Variants in NCOA3 observed in about 807,000 individuals in gnomAD.
The protein encoded by NCOA3 is nuclear receptor coactivator 3, also known as CBP-interacting protein.
NCOA3 carries 51 observed loss-of-function variants against 158.8 expected under a neutral mutation model. The observed-to-expected ratio is 0.32, with a 90% CI of 0.26 to 0.41. NCOA3 has a LOEUF of 0.41. Among genes scored for constraint, NCOA3 ranks in the 10% least tolerant of loss-of-function variants. The pLI, the probability that NCOA3 is intolerant of heterozygous loss-of-function variation, is 1.00. For missense variants in NCOA3, 1,510 were observed against 1,746.6 expected (o/e 0.86, Z 2.41); for synonymous variants, 537 against 592.4 (o/e 0.91, Z 1.36).
chr20:47,637,532 A>G (rs1470246004), intron 12 of NCOA3, 116 bp from the exon 13 acceptor site: 1 of 745,388 alleles, frequency 1.3e-6, no homozygotes, highest in Non-Finnish European at 2.0e-6. Context: ...TTATCATTGT[A>G]GGTAGTTTTT....
intron 1 of NCOA3, among the ~76,000 whole-genome samples, chr20:47,508,554 G>A (rs1359585088): frequency 3.3e-5 from 5 of 152,174 alleles, no homozygotes; most frequent in Admixed American, 3.3e-4. Flanking sequence ...AAAAAAGGGG[G>A]CACTTTTGGA....
At chr20:47,525,568 C>T (rs1326251182) in intron 1 of NCOA3, among the ~76,000 whole-genome samples, 2 of 132,908 alleles carry the variant, frequency 1.5e-5, no homozygotes, top group African/African-American at 6.0e-5. Flanking sequence ...GGGGGCTGAC[C>T]CCCCCCACCT....
chr20:47,523,969 C>T (rs933473387), intron 1 of NCOA3, among the ~76,000 whole-genome samples: 2 of 152,182 alleles, frequency 1.3e-5, no homozygotes, highest in African/African-American at 2.4e-5. Flanking sequence ...AGAACGGTTC[C>T]GGTTAACTTC....
intron 2 of NCOA3, among the ~76,000 whole-genome samples, chr20:47,604,287 A>T (rs1473989838): frequency 1.3e-5 from 2 of 152,206 alleles, no homozygotes; most frequent in Admixed American, 6.5e-5. Context: ...AGCTTCAGAG[A>T]TGTAAATTTG....
At chr20:47,556,669 C>T (rs988236340) in intron 1 of NCOA3, among the ~76,000 whole-genome samples, 1 of 151,870 alleles carries the variant, frequency 6.6e-6, no homozygotes, top group African/African-American at 2.4e-5. Flanking sequence ...ATCACAGGCG[C>T]CTGCCACCAT....
chr20:47,562,225 G>GT (rs1424339389), intron 1 of NCOA3, among the ~76,000 whole-genome samples: 1 of 152,182 alleles, frequency 6.6e-6, no homozygotes, highest in Admixed American at 6.6e-5. Flanking sequence ...CTGTGTATAG[G>GT]TTTTTGTGTG....
At position 47,602,067 on chromosome 20, in the gene NCOA3, A is replaced by G. The variant is rs189586894; in HGVS notation, c.-20+18806A>G. 3.3e-5 allele frequency among the ~76,000 whole-genome samples: 5 copies of G among 152,370 alleles called. No homozygotes were observed. The East Asian group carries it at 9.6e-4, about 29-fold the overall frequency. On this transcript the variant is annotated intron_variant, in intron 2 of 22. Transcript: ENST00000371998. The stretch of plus-strand genomic sequence containing the variant: ...ATCTTTAATGAGCTCAATATATTAA[A>G]CTTATATGAGTACACAAGCATTTGG...
Position 47,642,308 on chromosome 20 carries a change from C to G in NCOA3, c.3176C>G (p.Thr1059Ser), listed in dbSNP as rs201143442. ...DERALLDQLH[T>S]LLSNTDATGL... ...AGAGCATTATTGGACCAGCTGCACA[C>G]TCTTCTCAGCAACACAGATGCCACA... is the stretch of plus-strand genomic sequence containing the variant. The change falls in exon 17 of 23, where the codon ACT becomes AGT. Residue 1059 changes from threonine to serine, a missense_variant. By Grantham distance (58) the Thr-to-Ser change is moderately conservative. Around this residue, in one of 4 missense-constraint regions of NCOA3, gnomAD observed 1,017 missense variants for 1,098.3 expected, o/e 0.93. Coordinates refer to ENST00000371998, the MANE Select transcript of NCOA3 (RefSeq NM_181659.3). 9.6e-5 allele frequency: 155 copies of G among 1,613,636 alleles called. No homozygotes were observed. In the African/African-American group the frequency reaches 1.8e-3, roughly 19 times the overall value.
Position 47,647,064 on chromosome 20 carries a change from G to A in NCOA3, c.3253-9G>A, listed in dbSNP as rs1388667145. The stretch of plus-strand genomic sequence containing the variant: ...GTTCTTCACTGTTCTTTTATGTGTT[G>A]TGTTTAAGGGACAGGCATTAGAGCC... On this transcript the variant is annotated splice_polypyrimidine_tract_variant and intron_variant, in intron 17 of 22. Transcript: ENST00000371998. The A allele has an allele frequency of 1.2e-6, 2 of 1,606,878 alleles. No homozygotes were observed. Among genetic ancestry groups the A allele is most frequent in the East Asian group, 2.2e-5 (1 of 44,694 alleles).
Position 47,583,221 on chromosome 20 carries a change from TAAAAATA to T in NCOA3, c.-57_-51del. The T allele has an allele frequency of 2.5e-6, 1 of 398,654 alleles. No individual in the cohort carries two copies. The highest frequency in any genetic ancestry group is 4.4e-6 in the Non-Finnish European group (1 of 226,070). 24.7% of individuals were successfully genotyped at this position (398,654 alleles called of 1,614,324 possible). A position where few individuals can be genotyped will look rare whatever the true frequency, so the allele number is the denominator to read the frequency against. On this transcript the variant is annotated 5_prime_UTR_variant, in exon 2 of 23. An upstream open reading frame in the 5' UTR gains an earlier in-frame stop. Transcript: ENST00000371998. ...GCTGGATGGTGGACTCAGAGACCAA[TAAAAATA>T]AACTGCTTGAACATCCTTTGACTGG...
At chr20:47,592,424 A>G (rs1276599193) in intron 2 of NCOA3, among the ~76,000 whole-genome samples, 2 of 152,180 alleles carry the variant, frequency 1.3e-5, no homozygotes, top group Non-Finnish European at 2.9e-5. Context: ...TTCAAATTGG[A>G]TAATTCTTTT....
chr20:47,596,815 A>T (rs1303944097), intron 2 of NCOA3, among the ~76,000 whole-genome samples: 1 of 152,154 alleles, frequency 6.6e-6, no homozygotes, highest in East Asian at 1.9e-4. Context: ...GTGGTCTCGA[A>T]CTGAGCTCAA....
At chr20:47,502,098 A>G in intron 1 of NCOA3, 79 bp downstream of exon 1, 1 of 398,728 alleles carries the variant, frequency 2.5e-6, no homozygotes, top group Non-Finnish European at 4.4e-6. Flanking sequence ...CGAGTTCCCC[A>G]GGCTGCGAGA....
At chr20:47,615,544 A>C (rs1054870959) in intron 2 of NCOA3, among the ~76,000 whole-genome samples, 1 of 152,112 alleles carries the variant, frequency 6.6e-6, no homozygotes, top group African/African-American at 2.4e-5. Flanking sequence ...CATATACCAA[A>C]ATTTTCATGG....
intron 2 of NCOA3, among the ~76,000 whole-genome samples, chr20:47,601,670 T>G (rs2085865944): frequency 6.6e-6 from 1 of 152,212 alleles, no homozygotes; most frequent in African/African-American, 2.4e-5. Flanking sequence ...TCCAAAAACT[T>G]CTAATTGGAG....
Position 47,525,310 on chromosome 20 carries a change from T to G in NCOA3, c.-99+23291T>G, listed in dbSNP as rs544544918. ...GAATTTTTCTTAGTACAGAACAAAATGAAAAGTCTCCCATGTCTACCTCTT... is the reference window on the plus strand; with the variant it reads ...GAATTTTTCTTAGTACAGAACAAAAGGAAAAGTCTCCCATGTCTACCTCTT... On this transcript the variant is annotated intron_variant, in intron 1 of 22. Transcript: ENST00000371998. Among the ~76,000 whole-genome samples the G allele has an allele frequency of 2.3e-3, 349 of 151,100 alleles. 3 individuals carry two copies. The highest frequency in any genetic ancestry group is 4.2e-3 in the Non-Finnish European group (283 of 67,738).
At chr20:47,510,096 C>G (rs2084092496) in intron 1 of NCOA3, among the ~76,000 whole-genome samples, 2 of 152,102 alleles carry the variant, frequency 1.3e-5, no homozygotes, top group Non-Finnish European at 2.9e-5. Flanking sequence ...AAACTACTTT[C>G]ATCAGGAATC....
At chr20:47,543,549 G>T (rs1451535857) in intron 1 of NCOA3, among the ~76,000 whole-genome samples, 3 of 148,644 alleles carry the variant, frequency 2.0e-5, no homozygotes, top group Admixed American at 6.7e-5. Context: ...TTGCTCTGTT[G>T]CCCAGGCTGG....
chr20:47,547,900 A>ATT (rs2084859586), intron 1 of NCOA3, among the ~76,000 whole-genome samples: 1 of 150,384 alleles, frequency 6.6e-6, no homozygotes. Context: ...ATTTTATTTT[A>ATT]TTTTTATTTT....
Sources: allele counts gnomAD v4.1 joint callset (sites outside exome capture counted in the v4.1 genomes callset), GRCh38; gene constraint gnomAD v4.1.1; regional missense constraint gnomAD v4.1.1; transcripts MANE v1.5; gene names NCBI Gene and HGNC (gene_info 2026-07-23, HGNC 2026-07-21).